CAMK2D: variants seen among roughly 807,000 people sequenced by gnomAD.
CAMK2D encodes the protein calcium/calmodulin-dependent protein kinase type II subunit delta.
CAMK2D carries 37 observed loss-of-function variants against 84.0 expected under a neutral mutation model. The observed-to-expected ratio is 0.44, with a 90% CI of 0.34 to 0.58. The LOEUF is 0.58. Ranked by LOEUF, CAMK2D falls within the 20% of genes least tolerant of loss-of-function variation. The pLI, the probability that CAMK2D is intolerant of heterozygous loss-of-function variation, is 0.02. For synonymous variants in CAMK2D, 202 were observed against 212.5 expected, an observed-to-expected ratio of 0.95 and a Z score of 0.43; for missense variants, 448 against 652.5, an observed-to-expected ratio of 0.69 and a Z score of 3.41.
chr4:113,666,392 C>T (rs1011599756), intron 2 of CAMK2D, among the ~76,000 whole-genome samples: 5 of 152,092 alleles, frequency 3.3e-5, no homozygotes, highest in Non-Finnish European at 5.9e-5. Flanking sequence ...ACCACTGAGT[C>T]CTCATTATTA....
At chr4:113,476,687 T>G (rs929414000) in intron 16 of CAMK2D, among the ~76,000 whole-genome samples, 4 of 152,226 alleles carry the variant, frequency 2.6e-5, no homozygotes, top group Admixed American at 2.6e-4. Flanking sequence ...TTCCCTAGTT[T>G]GCTTACTGAT....
chr4:113,586,781 C>G (rs921933998), intron 4 of CAMK2D, among the ~76,000 whole-genome samples: 1 of 152,074 alleles, frequency 6.6e-6, no homozygotes, highest in Non-Finnish European at 1.5e-5. Flanking sequence ...TACAGAAAAG[C>G]CTCTATCTAT....
At chr4:113,627,709 A>C (rs867713044) in intron 3 of CAMK2D, among the ~76,000 whole-genome samples, 2 of 152,210 alleles carry the variant, frequency 1.3e-5, no homozygotes, top group African/African-American at 4.8e-5. Flanking sequence ...GAAAAGCACC[A>C]AAACATGGCA....
intron 16 of CAMK2D, among the ~76,000 whole-genome samples, chr4:113,474,548 C>T (rs1316463760): frequency 6.9e-6 from 1 of 145,064 alleles, no homozygotes; most frequent in East Asian, 2.0e-4. Flanking sequence ...AATCCAGCTG[C>T]CCCTGGGTGC....
At chr4:113,657,421 G>A (rs1183695696) in intron 3 of CAMK2D, among the ~76,000 whole-genome samples, 1 of 151,986 alleles carries the variant, frequency 6.6e-6, no homozygotes, top group Non-Finnish European at 1.5e-5. Flanking sequence ...GCTTGGCAAT[G>A]GCTACACACT....
chr4:113,719,994 A>G (rs2099525461), intron 2 of CAMK2D, among the ~76,000 whole-genome samples: 1 of 152,162 alleles, frequency 6.6e-6, no homozygotes, highest in Non-Finnish European at 1.5e-5. Context: ...TTAGAATAAT[A>G]CTAAATTATA....
intron 4 of CAMK2D, among the ~76,000 whole-genome samples, chr4:113,593,631 C>T (rs149114721): frequency 1.1e-3 from 167 of 152,304 alleles, no homozygotes; most frequent in Non-Finnish European, 2.0e-3. Flanking sequence ...AAAGAAACAA[C>T]TTTGAAATAT....
intron 4 of CAMK2D, among the ~76,000 whole-genome samples, chr4:113,560,569 A>G (rs376214486): frequency 1.6e-4 from 24 of 152,182 alleles, no homozygotes; most frequent in African/African-American, 5.3e-4. Flanking sequence ...GTATACTTGT[A>G]AGTAAAAAAG....
chr4:113,552,207 AT>A, intron 4 of CAMK2D, 111 bp from the exon 5 acceptor site: 1 of 589,984 alleles, frequency 1.7e-6, no homozygotes, highest in Non-Finnish European at 3.0e-6. Flanking sequence ...TTTAAAAAAA[AT>A]CAAAACTTTT....
chr4:113,595,273 G>C (rs573541869), intron 4 of CAMK2D, among the ~76,000 whole-genome samples: 16 of 152,162 alleles, frequency 1.1e-4, no homozygotes, highest in African/African-American at 3.9e-4. Flanking sequence ...AAAGTTTTCA[G>C]GAGAAGAAAA....
At chr4:113,491,080 G>A (rs1328252047) in intron 16 of CAMK2D, among the ~76,000 whole-genome samples, 25 of 43,698 alleles carry the variant, frequency 5.7e-4, no homozygotes, top group African/African-American at 1.6e-3. Context: ...CAATCATGTC[G>A]TCTGCAAACA....
Position 113,478,654 on chromosome 4 carries a change from C to A in CAMK2D, c.1136-13050G>T, listed in dbSNP as rs564396072. ...ACCATTAACCTTTCCAGAGGTATTTCTTTACTGTTTAGTAATATGTTTACA... is the reference window on the plus strand; with the variant it reads ...ACCATTAACCTTTCCAGAGGTATTTATTTACTGTTTAGTAATATGTTTACA... On this transcript the variant is annotated intron_variant, in intron 16 of 20. Coordinates refer to ENST00000511664, the MANE Select transcript of CAMK2D (RefSeq NM_001321571.2). 1.7e-3 allele frequency among the ~76,000 whole-genome samples: 266 copies of A among 152,176 alleles called. 1 individual carries two copies. The highest frequency in any genetic ancestry group is 3.1e-3 in the Non-Finnish European group (208 of 67,956).
Position 113,694,051 on chromosome 4 carries a change from C to T in CAMK2D, c.161-32279G>A, listed in dbSNP as rs529119602. On this transcript the variant is annotated intron_variant, in intron 2 of 20. Coordinates refer to ENST00000511664, the MANE Select transcript of CAMK2D (RefSeq NM_001321571.2). ...TTCTCATGTTTGTTAGTCTTAAAAACCTCACATGAAAATTAAAGACGCATT... is the reference window on the plus strand; with the variant it reads ...TTCTCATGTTTGTTAGTCTTAAAAATCTCACATGAAAATTAAAGACGCATT... Among the ~76,000 whole-genome samples, 247 of 152,228 alleles carry T rather than the reference C, an allele frequency of 1.6e-3. 1 individual carries two copies. Among genetic ancestry groups the T allele is most frequent in the African/African-American group, 5.7e-3 (235 of 41,558 alleles).
At chr4:113,478,776 T>C (rs1416600562) in intron 16 of CAMK2D, among the ~76,000 whole-genome samples, 1 of 152,178 alleles carries the variant, frequency 6.6e-6, no homozygotes, top group Non-Finnish European at 1.5e-5. Flanking sequence ...AAAAATACTC[T>C]ACTTAAAATA....
chr4:113,651,615 A>G (rs2374002), intron 3 of CAMK2D, among the ~76,000 whole-genome samples: 1 of 152,198 alleles, frequency 6.6e-6, no homozygotes, highest in African/African-American at 2.4e-5. Context: ...GTAAGAATTC[A>G]TCATCACATT....
At chr4:113,739,505 A>T (rs997805796) in intron 2 of CAMK2D, among the ~76,000 whole-genome samples, 2 of 152,188 alleles carry the variant, frequency 1.3e-5, no homozygotes, top group African/African-American at 4.8e-5. Flanking sequence ...CCACTCAATT[A>T]AAAGAAAAAT....
intron 16 of CAMK2D, among the ~76,000 whole-genome samples, chr4:113,477,665 G>C (rs2097647174): frequency 6.7e-6 from 1 of 149,426 alleles, no homozygotes; most frequent in Non-Finnish European, 1.5e-5. Flanking sequence ...AGAATTGCTT[G>C]AACGTGGGTG....
intron 4 of CAMK2D, among the ~76,000 whole-genome samples, chr4:113,567,185 T>C (rs1189199460): frequency 1.3e-5 from 2 of 149,094 alleles, no homozygotes; most frequent in East Asian, 4.0e-4. Flanking sequence ...TTTTTTTTTT[T>C]GAGATGGAGT....
chr4:113,703,686 A>T (rs1034956714), intron 2 of CAMK2D, among the ~76,000 whole-genome samples: 1 of 152,166 alleles, frequency 6.6e-6, no homozygotes, highest in Non-Finnish European at 1.5e-5. Flanking sequence ...TAAAATCAAA[A>T]TTTTTTAAGT....
Sources: gnomAD v4.1 joint callset for allele counts (sites outside exome capture counted in the v4.1 genomes callset) on GRCh38, gnomAD v4.1.1 for gene constraint, MANE v1.5 for transcripts, NCBI Gene and HGNC (gene_info 2026-07-23, HGNC 2026-07-21) for gene names.